The following CSMD1 variants were observed in gnomAD, a reference collection of about 807,000 sequenced individuals.
CSMD1 encodes CUB and sushi domain-containing protein 1.
A neutral mutation model predicts 417.5 loss-of-function variants in CSMD1; 213 were observed. The ratio of observed to expected loss-of-function variants is 0.51; its 90% CI spans 0.46 to 0.57. The LOEUF (loss-of-function observed/expected upper bound fraction) is 0.57. CSMD1 is among the 20% of genes least tolerant of loss of function. The probability of loss-of-function intolerance (pLI) is 0.00; values close to 1 mark genes in which losing one functional copy is unlikely to be tolerated. For missense variants in CSMD1, 6,923 were observed against 4,529.7 expected, an observed-to-expected ratio of 1.53 and a Z score of -15.17; for synonymous variants, 2,862 against 1,736.8, an observed-to-expected ratio of 1.65 and a Z score of -16.11.
intron 11 of CSMD1, among the ~76,000 whole-genome samples, chr8:3,492,831 CT>C (rs1796185800): frequency 6.6e-6 from 1 of 151,824 alleles, no homozygotes; most frequent in African/African-American, 2.4e-5. Context: ...ACCCCCAACA[CT>C]TTTCCCCCCC....
intron 4 of CSMD1, among the ~76,000 whole-genome samples, chr8:4,018,470 T>C (rs190121833): frequency 1.6e-4 from 24 of 152,228 alleles, no homozygotes; most frequent in African/African-American, 4.8e-4. Flanking sequence ...CTGTACCTAC[T>C]TTGCACAAGG....
intron 3 of CSMD1, among the ~76,000 whole-genome samples, chr8:4,305,789 G>C (rs538383233): frequency 2.2e-4 from 33 of 152,216 alleles, no homozygotes; most frequent in African/African-American, 7.5e-4. Context: ...TCACAAAAGT[G>C]ATTTGGGATT....
chr8:3,337,131 G>A (rs1050103578), intron 23 of CSMD1, among the ~76,000 whole-genome samples: 1 of 152,038 alleles, frequency 6.6e-6, no homozygotes, highest in Admixed American at 6.6e-5. Context: ...ATGACAAGAA[G>A]AAGACTGAAA....
chr8:4,143,594 A>C (rs1349491069), intron 3 of CSMD1, among the ~76,000 whole-genome samples: 1 of 151,108 alleles, frequency 6.6e-6, no homozygotes, highest in African/African-American at 2.5e-5. Flanking sequence ...CCCTTTAACT[A>C]GTTGTGATGC....
intron 3 of CSMD1, among the ~76,000 whole-genome samples, chr8:4,047,806 G>T (rs1163882219): frequency 6.6e-6 from 1 of 151,822 alleles, no homozygotes. Context: ...TAGGTAGTCA[G>T]GAAACACCTC....
intron 3 of CSMD1, among the ~76,000 whole-genome samples, chr8:4,276,949 T>G (rs918148598): frequency 6.6e-6 from 1 of 152,178 alleles, no homozygotes; most frequent in African/African-American, 2.4e-5. Context: ...TATGTTTTCG[T>G]ATACCAACAA....
At chr8:4,152,122 T>C (rs1011691186) in intron 3 of CSMD1, among the ~76,000 whole-genome samples, 25 of 152,198 alleles carry the variant, frequency 1.6e-4, no homozygotes, top group African/African-American at 4.6e-4. Context: ...GGAAATTGTA[T>C]AGAAAAATAT....
chr8:4,034,100 T>A, intron 3 of CSMD1, among the ~76,000 whole-genome samples: 1 of 152,282 alleles, frequency 6.6e-6, no homozygotes, highest in Non-Finnish European at 1.5e-5. Flanking sequence ...TTTTAATGTA[T>A]TGATATAATG....
chr8:4,907,353 C>T (rs190447634), intron 1 of CSMD1, among the ~76,000 whole-genome samples: 1 of 152,248 alleles, frequency 6.6e-6, no homozygotes, highest in Admixed American at 6.5e-5. Context: ...CGGCAAAAAG[C>T]TTGGGCTCCT....
intron 5 of CSMD1, among the ~76,000 whole-genome samples, chr8:3,954,393 C>T (rs1471776157): frequency 2.0e-5 from 3 of 152,100 alleles, no homozygotes; most frequent in African/African-American, 4.8e-5. Context: ...GACGGAGTCT[C>T]GCTCTGCTGC....
chr8:4,706,146 AT>A (rs1288980288), intron 1 of CSMD1, among the ~76,000 whole-genome samples: 1 of 150,622 alleles, frequency 6.6e-6, no homozygotes, highest in Non-Finnish European at 1.5e-5. Flanking sequence ...TTATATTAAA[AT>A]TTTATGTATT....
intron 3 of CSMD1, among the ~76,000 whole-genome samples, chr8:4,177,298 A>C (rs907593657): frequency 6.6e-6 from 1 of 152,118 alleles, no homozygotes; most frequent in African/African-American, 2.4e-5. Context: ...GCTCAACTAC[A>C]TGGAAACTGA....
intron 17 of CSMD1, among the ~76,000 whole-genome samples, chr8:3,391,145 G>A (rs1235286209): frequency 6.7e-6 from 1 of 149,178 alleles, no homozygotes; most frequent in East Asian, 2.0e-4. Context: ...TTCCTTTTCT[G>A]ATCATATAAA....
intron 19 of CSMD1, among the ~76,000 whole-genome samples, chr8:3,368,955 G>C (rs1181818385): frequency 1.3e-5 from 2 of 152,128 alleles, no homozygotes; most frequent in African/African-American, 4.8e-5. Flanking sequence ...TCAATGGTCA[G>C]ATTTTATTGA....
intron 21 of CSMD1, among the ~76,000 whole-genome samples, chr8:3,348,990 GCA>G (rs139151858): frequency 2.6e-5 from 4 of 152,056 alleles, no homozygotes; most frequent in Non-Finnish European, 5.9e-5. Context: ...ATATACGGGT[GCA>G]CACACACACA....
At chr8:3,437,631 G>C (rs1002760374) in intron 12 of CSMD1, among the ~76,000 whole-genome samples, 2 of 152,196 alleles carry the variant, frequency 1.3e-5, no homozygotes, top group Non-Finnish European at 2.9e-5. Context: ...TTACATAGAA[G>C]ATGGTTGTGA....
At chr8:4,103,870 C>G (rs138762135) in intron 3 of CSMD1, among the ~76,000 whole-genome samples, 32 of 152,316 alleles carry the variant, frequency 2.1e-4, no homozygotes, top group African/African-American at 7.7e-4. Context: ...GGTGCTATAT[C>G]TCTTGCAGTT....
intron 5 of CSMD1, among the ~76,000 whole-genome samples, chr8:3,960,350 T>G (rs1353412916): frequency 4.6e-5 from 7 of 152,166 alleles, no homozygotes; most frequent in African/African-American, 1.7e-4. Flanking sequence ...ATTGACACCC[T>G]TTCCTCATCA....
At chr8:3,593,679 T>G (rs559796403) in intron 8 of CSMD1, among the ~76,000 whole-genome samples, 143 of 152,290 alleles carry the variant, frequency 9.4e-4, no homozygotes, top group African/African-American at 3.3e-3. Flanking sequence ...AAATTACCAA[T>G]CACAGTACAA....
Sources: gnomAD v4.1 joint callset for allele counts (sites outside exome capture counted in the v4.1 genomes callset) on GRCh38, gnomAD v4.1.1 for gene constraint, MANE v1.5 for transcripts, NCBI Gene and HGNC (gene_info 2026-07-23, HGNC 2026-07-21) for gene names.